Variants in PDE1C observed in about 807,000 individuals in gnomAD.
The protein encoded by PDE1C is dual specificity calcium/calmodulin-dependent 3',5'-cyclic nucleotide phosphodiesterase 1C.
Under a neutral mutation model 93.1 loss-of-function variants are expected in PDE1C, and 62 were observed. The ratio of observed to expected loss-of-function variants is 0.67; its 90% CI spans 0.54 to 0.82. The LOEUF (loss-of-function observed/expected upper bound fraction) is 0.82, where lower values mean the gene tolerates loss of function less well. Ranked by LOEUF, PDE1C falls within the 40% of genes least tolerant of loss-of-function variation. The probability of loss-of-function intolerance (pLI) is 0.00; values close to 1 mark genes in which losing one functional copy is unlikely to be tolerated. For synonymous variants in PDE1C, 325 were observed against 310.1 expected (o/e 1.05, Z -0.50); for missense variants, 742 against 884.6 (o/e 0.84, Z 2.04).
chr7:32,342,022 AAG>A (rs1783767136), intron 1 of PDE1C, among the ~76,000 whole-genome samples: 1 of 150,974 alleles, frequency 6.6e-6, no homozygotes, highest in Non-Finnish European at 1.5e-5. Flanking sequence ...TAACTCTGGA[AAG>A]AGAGGGTTAG....
chr7:31,652,860 A>C, the PDE1C span: 11 of 1,596,314 alleles, frequency 6.9e-6, no homozygotes, highest in East Asian at 2.5e-4. Flanking sequence ...CTTCATACAA[A>C]ATATAAAGGC....
chr7:32,030,480 G>A (rs73098613), intron 2 of PDE1C, among the ~76,000 whole-genome samples: 9,132 of 152,068 alleles, frequency 0.06, 321 homozygotes, highest in Non-Finnish European at 0.074. Context: ...TAAAAAATTA[G>A]ATCGCTGAAA....
At chr7:31,659,982 A>T in the PDE1C span, among the ~76,000 whole-genome samples, 2 of 152,104 alleles carry the variant, frequency 1.3e-5, no homozygotes, top group Admixed American at 1.3e-4. Flanking sequence ...AGTTGTCCTC[A>T]TGTTGTTCTC....
At chr7:31,683,673 C>T in the PDE1C span, among the ~76,000 whole-genome samples, 1 of 152,170 alleles carries the variant, frequency 6.6e-6, no homozygotes. Context: ...CTCTTCCTCT[C>T]TCTTTCCCCC....
the PDE1C span, among the ~76,000 whole-genome samples, chr7:31,720,364 C>G: frequency 6.6e-6 from 1 of 152,176 alleles, no homozygotes; most frequent in Middle Eastern, 3.4e-3. Context: ...AAGCACCGCA[C>G]TAGGTAAGTA....
intron 2 of PDE1C, among the ~76,000 whole-genome samples, chr7:31,983,933 A>G (rs1326679306): frequency 2.0e-5 from 3 of 152,000 alleles, no homozygotes; most frequent in Admixed American, 2.0e-4. Flanking sequence ...AGTGAAGGAG[A>G]GATGTGGGGT....
the PDE1C span, among the ~76,000 whole-genome samples, chr7:31,667,222 GA>G: frequency 6.6e-6 from 1 of 152,152 alleles, no homozygotes; most frequent in East Asian, 1.9e-4. Context: ...CCTTTCTTGT[GA>G]TTGACTAGGT....
chr7:31,929,090 A>G (rs1397429749), intron 2 of PDE1C, among the ~76,000 whole-genome samples: 6 of 147,242 alleles, frequency 4.1e-5, no homozygotes, highest in Non-Finnish European at 7.5e-5. Context: ...ATGGAGGAAT[A>G]TTTACCAAGC....
chr7:32,224,962 G>T (rs1188310263), intron 1 of PDE1C, among the ~76,000 whole-genome samples: 2 of 151,266 alleles, frequency 1.3e-5, no homozygotes, highest in African/African-American at 2.4e-5. Flanking sequence ...GGCTGGCAAT[G>T]AAGAGATCCC....
chr7:32,400,411 A>C lies in PDE1C; in HGVS notation c.310+27411T>G, dbSNP rs182730439. Among the ~76,000 whole-genome samples the C allele has an allele frequency of 1.4e-4, 22 of 151,804 alleles. 1 individual carries two copies. The highest frequency in any genetic ancestry group is 5.4e-4 in the African/African-American group (22 of 41,098). On this transcript the variant is annotated intron_variant, in intron 1 of 1. Transcript: ENST00000672256. Reference sequence around the variant, plus strand: ...CAACTGTGTCCCACTGAGATGTTCTATGCAAAAAAAAGAAAAAAGAAAATG... The same window carrying C: ...CAACTGTGTCCCACTGAGATGTTCTCTGCAAAAAAAAGAAAAAAGAAAATG...
At chr7:32,225,478 G>A (rs1021540363) in intron 1 of PDE1C, among the ~76,000 whole-genome samples, 2 of 152,074 alleles carry the variant, frequency 1.3e-5, no homozygotes, top group Non-Finnish European at 1.5e-5. Flanking sequence ...GAATCCACTC[G>A]CTAAGGATTC....
At chr7:32,373,580 A>G (rs980939361) in intron 1 of PDE1C, among the ~76,000 whole-genome samples, 1 of 152,268 alleles carries the variant, frequency 6.6e-6, no homozygotes, top group African/African-American at 2.4e-5. Flanking sequence ...TGAATTCGCC[A>G]AAACCATTGA....
chr7:31,943,497 G>C (rs929878321), intron 2 of PDE1C, among the ~76,000 whole-genome samples: 1 of 152,002 alleles, frequency 6.6e-6, no homozygotes, highest in Admixed American at 6.6e-5. Flanking sequence ...ATTTTGTATT[G>C]CCCATGGTAG....
chr7:32,343,087 C>T (rs769095354), intron 1 of PDE1C, among the ~76,000 whole-genome samples: 24 of 152,218 alleles, frequency 1.6e-4, no homozygotes, highest in South Asian at 4.2e-4. Flanking sequence ...CTAGAATCGG[C>T]CACCAGAGGC....
chr7:31,710,979 A>G, the PDE1C span, among the ~76,000 whole-genome samples: 1 of 152,216 alleles, frequency 6.6e-6, no homozygotes, highest in Non-Finnish European at 1.5e-5. Context: ...GGACACTCCA[A>G]GCTATCAGCT....
rs71559224 is a variant in PDE1C, at chr7:32,358,897, C to CTG, written c.310+68923_310+68924dup. Reference sequence around the variant, plus strand: ...CATCTAACATTGTGTGTGTGTGTGTCTGTGTGTGTGTGTGTGTGTAACAGT... The same window carrying CTG: ...CATCTAACATTGTGTGTGTGTGTGTCTGTGTGTGTGTGTGTGTGTGTAACAGT... On this transcript the variant is annotated intron_variant, in intron 1 of 1. Transcript: ENST00000672256. 9.5e-3 allele frequency among the ~76,000 whole-genome samples: 1,387 copies of CTG among 145,404 alleles called. 23 individuals are homozygous for CTG. The highest frequency in any genetic ancestry group is 0.032 in the African/African-American group (1,275 of 39,906).
At chr7:32,126,874 G>A (rs1341826310) in intron 3 of PDE1C, among the ~76,000 whole-genome samples, 3 of 152,164 alleles carry the variant, frequency 2.0e-5, no homozygotes, top group Non-Finnish European at 4.4e-5. Flanking sequence ...TTGAGGCAAT[G>A]TGACAGTTAA....
chr7:32,416,055 C>T (rs996505434), intron 1 of PDE1C, among the ~76,000 whole-genome samples: 1 of 152,172 alleles, frequency 6.6e-6, no homozygotes, highest in African/African-American at 2.4e-5. Context: ...AGCACACGCC[C>T]GCCTCCCCCA....
intron 1 of PDE1C, among the ~76,000 whole-genome samples, chr7:32,319,710 A>G (rs1413679799): frequency 6.6e-6 from 1 of 152,232 alleles, no homozygotes; most frequent in Non-Finnish European, 1.5e-5. Context: ...CAGGCTTGGA[A>G]CCCTGTCTTC....
Sources: gnomAD v4.1 joint callset for allele counts (sites outside exome capture counted in the v4.1 genomes callset) on GRCh38, gnomAD v4.1.1 for gene constraint, MANE v1.5 for transcripts, NCBI Gene and HGNC (gene_info 2026-07-23, HGNC 2026-07-21) for gene names.